The following DNAJC1 variants were observed in gnomAD, a reference collection of about 807,000 sequenced individuals.
The protein encoded by DNAJC1 is dnaJ homolog subfamily C member 1.
A neutral mutation model predicts 76.6 loss-of-function variants in DNAJC1; 58 were observed. The ratio of observed to expected loss-of-function variants is 0.76; its 90% CI spans 0.61 to 0.94. DNAJC1 has a LOEUF of 0.94. DNAJC1 is among the 40% of genes least tolerant of loss of function. DNAJC1 has a pLI of 0.00. For missense variants in DNAJC1, 689 were observed against 677.3 expected, an observed-to-expected ratio of 1.02 and a Z score of -0.19; for synonymous variants, 258 against 267.9, an observed-to-expected ratio of 0.96 and a Z score of 0.36.
intron 3 of DNAJC1, among the ~76,000 whole-genome samples, chr10:21,921,192 T>C (rs777732710): frequency 6.6e-6 from 1 of 151,922 alleles, no homozygotes; most frequent in Non-Finnish European, 1.5e-5. Flanking sequence ...ATACCAGATC[T>C]CATGTTTTTA....
intron 8 of DNAJC1, chr10:21,865,415 T>C (rs1053019424): frequency 3.3e-5 from 5 of 152,076 alleles, no homozygotes; most frequent in Admixed American, 6.5e-5. Context: ...CACTGATACA[T>C]GAACAAACAT....
intron 1 of DNAJC1, among the ~76,000 whole-genome samples, chr10:21,990,615 C>A (rs1476256643): frequency 3.3e-5 from 5 of 152,116 alleles, no homozygotes; most frequent in African/African-American, 1.2e-4. Context: ...TGGTTAGACA[C>A]CATCAAACAG....
intron 9 of DNAJC1, among the ~76,000 whole-genome samples, chr10:21,804,918 A>C (rs1834865868): frequency 6.6e-6 from 1 of 152,126 alleles, no homozygotes; most frequent in African/African-American, 2.4e-5. Context: ...GAAATTGCTC[A>C]AAAATCTGCA....
intron 7 of DNAJC1, among the ~76,000 whole-genome samples, chr10:21,901,758 G>A (rs1303727416): frequency 8.5e-5 from 13 of 152,126 alleles, no homozygotes; most frequent in Admixed American, 8.5e-4. Context: ...AAAACAGGCA[G>A]CATAAAACAG....
intron 8 of DNAJC1, among the ~76,000 whole-genome samples, chr10:21,881,861 A>C (rs1016505529): frequency 6.6e-6 from 1 of 150,698 alleles, no homozygotes; most frequent in African/African-American, 2.4e-5. Context: ...AAAAAAAAAA[A>C]AAAAAAAAAC....
intron 3 of DNAJC1, among the ~76,000 whole-genome samples, chr10:21,921,165 CCA>C (rs1449114595): frequency 6.6e-6 from 1 of 151,866 alleles, no homozygotes; most frequent in Admixed American, 6.6e-5. Context: ...AAAAAAGTGT[CCA>C]GTAATATACT....
At chr10:21,814,773 T>A (rs987679034) in intron 8 of DNAJC1, among the ~76,000 whole-genome samples, 3 of 152,194 alleles carry the variant, frequency 2.0e-5, no homozygotes, top group African/African-American at 7.2e-5. Flanking sequence ...CTGCCCTGGA[T>A]TGGATTTATT....
At chr10:21,803,071 C>G (rs1363130495) in intron 9 of DNAJC1, among the ~76,000 whole-genome samples, 3 of 152,076 alleles carry the variant, frequency 2.0e-5, no homozygotes, top group Non-Finnish European at 4.4e-5. Flanking sequence ...ATTTAGCAAT[C>G]TAACTCTGCT....
chr10:21,802,278 TCATGTTTATAATTTTGTGTAGGGCTGG>T (rs1453545143), intron 9 of DNAJC1, among the ~76,000 whole-genome samples: 5 of 152,150 alleles, frequency 3.3e-5, no homozygotes, highest in Non-Finnish European at 7.4e-5. Context: ...ACAGTCCTTA[TCATGTTTATAATTTTGTGTAGGGCTGG>T]CCTGACTCTA....
intron 1 of DNAJC1, among the ~76,000 whole-genome samples, chr10:21,947,613 C>T (rs1837526260): frequency 2.0e-5 from 3 of 152,146 alleles, no homozygotes; most frequent in Non-Finnish European, 2.9e-5. Context: ...CTAGTAGTTA[C>T]GTTTTGGCAG....
chr10:21,928,049 T>C (rs1402691049), intron 3 of DNAJC1, among the ~76,000 whole-genome samples: 1 of 152,198 alleles, frequency 6.6e-6, no homozygotes, highest in African/African-American at 2.4e-5. Context: ...AACTGGGTTA[T>C]TCTGAGAGTG....
At chr10:21,826,546 G>A (rs947738712) in intron 8 of DNAJC1, among the ~76,000 whole-genome samples, 4 of 152,144 alleles carry the variant, frequency 2.6e-5, no homozygotes, top group Admixed American at 2.0e-4. Context: ...TGTTGCCCAA[G>A]CTTTTGCTGT....
chr10:21,974,335 T>A (rs2131831158), intron 1 of DNAJC1, among the ~76,000 whole-genome samples: 1 of 152,244 alleles, frequency 6.6e-6, no homozygotes, highest in South Asian at 2.1e-4. Context: ...GTGAAATCAG[T>A]ACGGCCATTT....
chr10:21,864,149 AG>A (rs1835957855), intron 8 of DNAJC1, among the ~76,000 whole-genome samples: 1 of 152,104 alleles, frequency 6.6e-6, no homozygotes. Flanking sequence ...CATTTGAGCC[AG>A]GAGGCAGAGA....
chr10:21,804,181 AG>A (rs1834853841), intron 9 of DNAJC1, among the ~76,000 whole-genome samples: 1 of 152,132 alleles, frequency 6.6e-6, no homozygotes, highest in Non-Finnish European at 1.5e-5. Flanking sequence ...AAAATTTACC[AG>A]GTTTTAATGA....
At chr10:21,993,939 A>C (rs1316037567) in intron 1 of DNAJC1, among the ~76,000 whole-genome samples, 1 of 152,162 alleles carries the variant, frequency 6.6e-6, no homozygotes, top group Non-Finnish European at 1.5e-5. Context: ...CCCACGAAGT[A>C]ATAAGTAGTC....
At chr10:21,780,567 G>C (rs1382135757) in intron 9 of DNAJC1, among the ~76,000 whole-genome samples, 1 of 152,182 alleles carries the variant, frequency 6.6e-6, no homozygotes, top group Non-Finnish European at 1.5e-5. Flanking sequence ...TCACCACCAG[G>C]CCTGCCCTAA....
intron 10 of DNAJC1, among the ~76,000 whole-genome samples, chr10:21,762,279 T>C (rs1834250496): frequency 6.6e-6 from 1 of 152,232 alleles, no homozygotes; most frequent in South Asian, 2.1e-4. Flanking sequence ...TATTCAATTA[T>C]ATCCACCACA....
At chr10:21,821,856 AC>A (rs1427109902) in intron 8 of DNAJC1, among the ~76,000 whole-genome samples, 3 of 151,824 alleles carry the variant, frequency 2.0e-5, no homozygotes, top group African/African-American at 7.3e-5. Context: ...AAAAAAAAAA[AC>A]AACTGAGACT....
Sources: allele counts gnomAD v4.1 joint callset (sites outside exome capture counted in the v4.1 genomes callset), GRCh38; gene constraint gnomAD v4.1.1; transcripts MANE v1.5; gene names NCBI Gene and HGNC (gene_info 2026-07-23, HGNC 2026-07-21).